The following HAO1 variants were observed in gnomAD, a reference collection of about 807,000 sequenced individuals.
HAO1 encodes the protein 2-Hydroxyacid oxidase 1.
Under a neutral mutation model 39.7 loss-of-function variants are expected in HAO1, and 34 were observed. The ratio of observed to expected loss-of-function variants is 0.86; its 90% CI spans 0.65 to 1.14. HAO1 has a LOEUF of 1.14. Among genes scored for constraint, HAO1 ranks in the 50% most tolerant of loss-of-function variants. HAO1 has a pLI of 0.00. For missense variants in HAO1, 479 were observed against 464.5 expected (o/e 1.03, Z -0.29); for synonymous variants, 172 against 173.2 (o/e 0.99, Z 0.05).
intron 3 of HAO1, among the ~76,000 whole-genome samples, chr20:7,906,538 A>G (rs1452101618): frequency 6.6e-6 from 1 of 152,146 alleles, no homozygotes; most frequent in Non-Finnish European, 1.5e-5. Flanking sequence ...AGTGACCTAA[A>G]TTTTATTTTA....
chr20:7,913,485 C>T (rs149374133), intron 3 of HAO1, among the ~76,000 whole-genome samples: 1 of 152,286 alleles, frequency 6.6e-6, no homozygotes, highest in Admixed American at 6.5e-5. Context: ...CAGAGACTTC[C>T]ACTCAGTTTC....
At chr20:7,914,992 C>T (rs924722145) in intron 2 of HAO1, among the ~76,000 whole-genome samples, 22 of 152,020 alleles carry the variant, frequency 1.4e-4, no homozygotes, top group Admixed American at 6.6e-4. Context: ...TGGTCATGGG[C>T]GCCTGTAGTC....
intron 7 of HAO1, among the ~76,000 whole-genome samples, chr20:7,884,857 G>A (rs570319777): frequency 7.1e-4 from 108 of 152,230 alleles, no homozygotes; most frequent in African/African-American, 2.5e-3. Context: ...GAACCGTTCT[G>A]GCCGCCATGA....
intron 4 of HAO1, among the ~76,000 whole-genome samples, chr20:7,895,870 A>G (rs1194832206): frequency 6.6e-6 from 1 of 152,134 alleles, no homozygotes; most frequent in African/African-American, 2.4e-5. Flanking sequence ...ACATGGTGAA[A>G]CCCCATCTCT....
intron 5 of HAO1, among the ~76,000 whole-genome samples, chr20:7,893,280 C>T (rs2050182468): frequency 6.6e-6 from 1 of 152,180 alleles, no homozygotes; most frequent in Non-Finnish European, 1.5e-5. Context: ...CCAAGCTTTC[C>T]TTGTTCATTG....
chr20:7,884,921 A>G (rs1408743129), intron 7 of HAO1, among the ~76,000 whole-genome samples: 1 of 152,106 alleles, frequency 6.6e-6, no homozygotes, highest in Non-Finnish European at 1.5e-5. Context: ...CCCACCCACA[A>G]TGTCCATGGG....
intron 2 of HAO1, among the ~76,000 whole-genome samples, chr20:7,931,551 T>A (rs2235248): frequency 0.08 from 12,188 of 152,176 alleles, 831 homozygotes; most frequent in East Asian, 0.31. Flanking sequence ...ATCGATTTAT[T>A]TGGGCCGCTC....
At chr20:7,903,213 A>T (rs1390971203) in intron 4 of HAO1, among the ~76,000 whole-genome samples, 1 of 152,198 alleles carries the variant, frequency 6.6e-6, no homozygotes, top group Non-Finnish European at 1.5e-5. Context: ...ATAGTTACAG[A>T]AAAGTAGACG....
intron 4 of HAO1, among the ~76,000 whole-genome samples, chr20:7,897,126 G>C (rs2050201305): frequency 6.6e-6 from 1 of 152,148 alleles, no homozygotes; most frequent in Non-Finnish European, 1.5e-5. Flanking sequence ...ATTTTCCTCA[G>C]AACCTTAAAG....
chr20:7,935,721 A>G (rs1418509321), intron 1 of HAO1, among the ~76,000 whole-genome samples: 1 of 152,230 alleles, frequency 6.6e-6, no homozygotes, highest in Non-Finnish European at 1.5e-5. Context: ...CCAGCAACCA[A>G]AAATTCACCA....
chr20:7,921,725 T>C (rs891774174), intron 2 of HAO1, among the ~76,000 whole-genome samples: 4 of 152,110 alleles, frequency 2.6e-5, no homozygotes, highest in African/African-American at 7.2e-5. Flanking sequence ...CAATGGTGGA[T>C]TGAATTTTTA....
At position 7,940,417 on chromosome 20, in the gene HAO1, G is replaced by T. The variant is rs749121137; in HGVS notation, c.6C>A (p.Leu2=). 6 of 1,605,542 alleles carry T rather than the reference G, an allele frequency of 3.7e-6. No individual in the cohort carries two copies. Among genetic ancestry groups the T allele is most frequent in the Non-Finnish European group, 5.1e-6 (6 of 1,177,712 alleles). The change falls in exon 1 of 8, where the codon CTC becomes CTA. Residue 2 remains leucine, a synonymous_variant. Coordinates refer to ENST00000378789, the MANE Select transcript of HAO1 (RefSeq NM_017545.3). The part of the protein sequence containing the change: M[L]PRLICINDYE... ...AATCATTGATACAAATTAGCCGGGG[G>T]AGCATTTTCACAGGTTATTGCTATC...
At chr20:7,899,714 C>T (rs1042983118) in intron 4 of HAO1, among the ~76,000 whole-genome samples, 2 of 152,106 alleles carry the variant, frequency 1.3e-5, no homozygotes, top group Non-Finnish European at 2.9e-5. Context: ...TATGCAGCCT[C>T]GTCCACAGTT....
intron 5 of HAO1, among the ~76,000 whole-genome samples, chr20:7,891,623 A>G (rs1033670772): frequency 2.0e-5 from 3 of 152,264 alleles, no homozygotes; most frequent in African/African-American, 7.2e-5. Flanking sequence ...CCCTAAACCA[A>G]TGTCTAAAAG....
intron 5 of HAO1, 131 bp downstream of exon 5, chr20:7,895,002 A>AC: frequency 1.5e-6 from 1 of 655,420 alleles, no homozygotes. Flanking sequence ...CCAAGATCTC[A>AC]CATATTTGCA....
rs1196412262 is a variant in HAO1 at position 7,883,331 on chromosome 20, T to C, written c.*262A>G. On this transcript the variant is annotated 3_prime_UTR_variant, in exon 8 of 8. Transcript: ENST00000378789. ...TAGCCTGCCAGGGGATGACGTTGTC[T>C]AAACACATTTTCAATGTTTTCTTTT... 6.1e-6 allele frequency: 3 copies of C among 493,810 alleles called. No individual in the cohort carries two copies. Among genetic ancestry groups the C allele is most frequent in the Non-Finnish European group, 7.3e-6 (2 of 273,712 alleles). The allele number at this position is 493,810 out of a possible 1,614,324, so 30.6% of individuals were successfully genotyped here.
At chr20:7,904,146 G>A (rs1473315586) in intron 4 of HAO1, among the ~76,000 whole-genome samples, 2 of 152,060 alleles carry the variant, frequency 1.3e-5, no homozygotes, top group Admixed American at 6.6e-5. Context: ...CTTCCTTAGT[G>A]TTTTAAAGCC....
intron 3 of HAO1, among the ~76,000 whole-genome samples, chr20:7,907,326 A>T (rs1049414904): frequency 4.6e-5 from 7 of 152,034 alleles, no homozygotes; most frequent in Non-Finnish European, 8.8e-5. Context: ...AGCAGACTGG[A>T]GGCATTAGGG....
intron 3 of HAO1, among the ~76,000 whole-genome samples, chr20:7,906,775 C>T (rs557751379): frequency 2.0e-5 from 3 of 152,084 alleles, no homozygotes; most frequent in Non-Finnish European, 4.4e-5. Flanking sequence ...TTAAAAGACT[C>T]TTAGAAAGTA....
Sources: allele counts gnomAD v4.1 joint callset (sites outside exome capture counted in the v4.1 genomes callset), GRCh38; gene constraint gnomAD v4.1.1; transcripts MANE v1.5; gene names NCBI Gene and HGNC (gene_info 2026-07-23, HGNC 2026-07-21).